The following AFAP1L2 variants were observed in gnomAD, a reference collection of about 807,000 sequenced individuals.
AFAP1L2 encodes the protein actin filament-associated protein 1-like 2.
In AFAP1L2, 46 loss-of-function variants were observed where a neutral mutation model predicts 99.3. The observed-to-expected ratio is 0.46, with a 90% confidence interval of 0.37 to 0.59. AFAP1L2 has a LOEUF of 0.59. Among genes scored for constraint, AFAP1L2 ranks in the 20% least tolerant of loss-of-function variants. AFAP1L2 has a pLI of 0.00. For missense variants in AFAP1L2, 959 were observed against 1,034.9 expected, an observed-to-expected ratio of 0.93 and a Z score of 1.01; for synonymous variants, 397 against 419.1, an observed-to-expected ratio of 0.95 and a Z score of 0.64.
chr10:114,393,567 G>A (rs1022036744), intron 1 of AFAP1L2: 1 of 152,226 alleles, frequency 6.6e-6, no homozygotes. Context: ...ATCGTGAGTA[G>A]AGACCTGGAG....
At chr10:114,390,616 GA>G (rs1360410687) in intron 1 of AFAP1L2, among the ~76,000 whole-genome samples, 1 of 151,404 alleles carries the variant, frequency 6.6e-6, no homozygotes, top group Non-Finnish European at 1.5e-5. Context: ...AGCTACTCAG[GA>G]GGCTGAGGTA....
chr10:114,295,186 A>C lies in AFAP1L2; in HGVS notation c.*856T>G. On this transcript the variant is annotated 3_prime_UTR_variant, in exon 19 of 19. Transcript: ENST00000304129. ...AATCAGAGACTATTTATATTAAATA[A>C]CTCTTCCCTTAAAAATGGCCTGACC... is the stretch of plus-strand genomic sequence containing the variant. The C allele has an allele frequency of 1.0e-6, 1 of 985,710 alleles. No homozygotes were observed. The highest frequency in any genetic ancestry group is 1.2e-6 in the Non-Finnish European group (1 of 829,844). 61.1% of individuals were successfully genotyped at this position (985,710 alleles called of 1,614,324 possible). A position where few individuals can be genotyped will look rare whatever the true frequency, so the allele number is the denominator to read the frequency against.
intron 1 of AFAP1L2, among the ~76,000 whole-genome samples, chr10:114,395,845 T>C (rs2057651844): frequency 6.6e-6 from 1 of 152,190 alleles, no homozygotes; most frequent in Non-Finnish European, 1.5e-5. Context: ...GCCTTGGGGC[T>C]GCCCCAAACC....
At chr10:114,353,732 C>T (rs1352925483) in intron 1 of AFAP1L2, among the ~76,000 whole-genome samples, 1 of 152,092 alleles carries the variant, frequency 6.6e-6, no homozygotes, top group East Asian at 1.9e-4. Context: ...GGGAAAAGAT[C>T]CAGATAAAAG....
chr10:114,325,191 T>C (rs996818865), intron 4 of AFAP1L2, among the ~76,000 whole-genome samples: 23 of 152,216 alleles, frequency 1.5e-4, no homozygotes, highest in African/African-American at 5.5e-4. Context: ...AAAATAATAA[T>C]ACTAGGGTTG....
At chr10:114,289,520 G>T in the AFAP1L2 span, 1 of 1,609,998 alleles carries the variant, frequency 6.2e-7, no homozygotes, top group South Asian at 1.1e-5. Context: ...CCTCAGGGCT[G>T]CCCCCATGGC....
chr10:114,313,176 C>T (rs144822130), intron 7 of AFAP1L2, among the ~76,000 whole-genome samples: 106 of 152,210 alleles, frequency 7.0e-4, no homozygotes, highest in African/African-American at 2.5e-3. Context: ...CTCTGGCTCT[C>T]ACTGGCCTCA....
At chr10:114,352,479 T>TTAAAAAA (rs1554930287) in intron 1 of AFAP1L2, among the ~76,000 whole-genome samples, 4 of 71,372 alleles carry the variant, frequency 5.6e-5, no homozygotes, top group Non-Finnish European at 7.3e-5. Flanking sequence ...GTCTCCAAAT[T>TTAAAAAA]AAAAAAAAAA....
intron 1 of AFAP1L2, among the ~76,000 whole-genome samples, chr10:114,341,814 C>T (rs1446770420): frequency 6.6e-6 from 1 of 152,090 alleles, no homozygotes; most frequent in Non-Finnish European, 1.5e-5. Flanking sequence ...TCACAATTGT[C>T]CCTGTGTTAC....
intron 10 of AFAP1L2, among the ~76,000 whole-genome samples, chr10:114,306,297 GCAGGAGGGGACGCAGATC>G (rs1357135021): frequency 4.5e-5 from 6 of 132,236 alleles, no homozygotes; most frequent in South Asian, 2.6e-4. Context: ...CGTCGGGGCT[GCAGGAGGGGACGCAGATC>G]CAGGAGGGGA....
At chr10:114,339,895 C>T (rs2048536592) in intron 2 of AFAP1L2, among the ~76,000 whole-genome samples, 1 of 151,610 alleles carries the variant, frequency 6.6e-6, no homozygotes, top group East Asian at 1.9e-4. Flanking sequence ...CCTGTAATCC[C>T]AGCTACTCCG....
Position 114,302,331 on chromosome 10 carries a change from T to C in AFAP1L2, c.1430+8A>G, listed in dbSNP as rs1451800918. 1.9e-6 allele frequency: 3 copies of C among 1,614,078 alleles called. No individual in the cohort carries two copies. Among genetic ancestry groups the C allele is most frequent in the South Asian group, 2.2e-5 (2 of 91,084 alleles). ...AGAGTGTACGGAGGAAGGGTCCAAA[T>C]TACTCACAAGAGAGAGTTTTTGGCC... is the stretch of plus-strand genomic sequence containing the variant. On this transcript the variant is annotated splice_region_variant and intron_variant, in intron 12 of 18. Coordinates refer to ENST00000304129, the MANE Select transcript of AFAP1L2 (RefSeq NM_001001936.3).
At chr10:114,374,712 G>C (rs2054570750) in intron 1 of AFAP1L2, among the ~76,000 whole-genome samples, 3 of 151,956 alleles carry the variant, frequency 2.0e-5, no homozygotes, top group South Asian at 4.2e-4. Flanking sequence ...TCCATCCTTG[G>C]AAAGAGCTTC....
intron 6 of AFAP1L2, 32 bp from the exon 7 acceptor site, chr10:114,314,082 G>T (rs752646216): frequency 6.3e-7 from 1 of 1,589,868 alleles, no homozygotes. Context: ...ACACCACTTT[G>T]CCAGGGGTGC....
intron 1 of AFAP1L2, among the ~76,000 whole-genome samples, chr10:114,382,280 A>ATGAACTGGTGCTCGT (rs60605466): frequency 6.6e-6 from 1 of 152,090 alleles, no homozygotes; most frequent in East Asian, 1.9e-4. Context: ...CCAGTGATTT[A>ATGAACTGGTGCTCGT]CATATAAAGG....
Position 114,297,431 on chromosome 10 carries a change from C to T in AFAP1L2, c.2114-18G>A, listed in dbSNP as rs1414254161. Reference sequence around the variant, plus strand: ...TTCCTTGTCTGGAGAGAGAATTATGCAGGTGTCAGAGAACAGCATCTCAGC... The same window carrying T: ...TTCCTTGTCTGGAGAGAGAATTATGTAGGTGTCAGAGAACAGCATCTCAGC... On this transcript the variant is annotated intron_variant, in intron 16 of 18. Transcript: ENST00000304129. 1.9e-6 allele frequency: 3 copies of T among 1,608,334 alleles called. No individual in the cohort carries two copies. The highest frequency in any genetic ancestry group is 1.7e-6 in the Non-Finnish European group (2 of 1,178,708).
At chr10:114,315,095 T>G (rs635985) in intron 6 of AFAP1L2, among the ~76,000 whole-genome samples, 3 of 151,812 alleles carry the variant, frequency 2.0e-5, no homozygotes, top group African/African-American at 2.4e-5. Context: ...GAGCCAAGAT[T>G]GCGCCACTGC....
chr10:114,369,419 C>A (rs953534066), intron 1 of AFAP1L2, among the ~76,000 whole-genome samples: 1 of 151,934 alleles, frequency 6.6e-6, no homozygotes, highest in Non-Finnish European at 1.5e-5. Flanking sequence ...CATGGTGAAA[C>A]CCCGTCTCTA....
intron 1 of AFAP1L2, among the ~76,000 whole-genome samples, chr10:114,348,611 C>A (rs2049967730): frequency 6.6e-6 from 1 of 152,252 alleles, no homozygotes; most frequent in Non-Finnish European, 1.5e-5. Flanking sequence ...GCCATGCTCT[C>A]AAAGGCACCT....
Sources: gnomAD v4.1 joint callset for allele counts (sites outside exome capture counted in the v4.1 genomes callset) on GRCh38, gnomAD v4.1.1 for gene constraint, MANE v1.5 for transcripts, NCBI Gene and HGNC (gene_info 2026-07-23, HGNC 2026-07-21) for gene names.